DDAH1: variants seen among roughly 807,000 people sequenced by gnomAD.
DDAH1 encodes the protein dimethylarginine dimethylaminohydrolase 1.
A neutral mutation model predicts 28.8 loss-of-function variants in DDAH1; 19 were observed. That is an observed-to-expected ratio of 0.66 (90% confidence interval 0.46 to 0.97). The LOEUF (loss-of-function observed/expected upper bound fraction) is 0.97, where lower values mean the gene tolerates loss of function less well. DDAH1 is among the 50% of genes least tolerant of loss of function. DDAH1 has a pLI of 0.00. For missense variants in DDAH1, 326 were observed against 375.9 expected (o/e 0.87, Z 1.10); for synonymous variants, 153 against 154.4 (o/e 0.99, Z 0.07).
Position 85,548,678 on chromosome 1 carries a change from T to C in DDAH1, c.-123+29306A>G, listed in dbSNP as rs1248369874. 2.0e-5 allele frequency among the ~76,000 whole-genome samples: 3 copies of C among 152,204 alleles called. No individual in the cohort carries two copies. In the East Asian group the frequency reaches 5.8e-4, roughly 29 times the overall value. Reference sequence around the variant, plus strand: ...AGGAATAGCTCCAAGCCAGAAATTCTATCATTCTATAATTTAGATTTGCAT... The same window carrying C: ...AGGAATAGCTCCAAGCCAGAAATTCCATCATTCTATAATTTAGATTTGCAT... On this transcript the variant is annotated intron_variant, in intron 1 of 6. Transcript: ENST00000426972.
At chr1:85,508,104 C>A (rs1156764926) in intron 1 of DDAH1, among the ~76,000 whole-genome samples, 1 of 152,160 alleles carries the variant, frequency 6.6e-6, no homozygotes, top group Non-Finnish European at 1.5e-5. Flanking sequence ...GCCAGATCTT[C>A]TCCTTTGTAC....
intron 1 of DDAH1, among the ~76,000 whole-genome samples, chr1:85,369,012 G>A (rs1346850851): frequency 1.3e-5 from 2 of 151,318 alleles, no homozygotes; most frequent in Non-Finnish European, 2.9e-5. Context: ...TCCTGGCTGG[G>A]TCAGAGATTC....
chr1:85,530,116 C>T (rs1307090731), intron 1 of DDAH1, among the ~76,000 whole-genome samples: 1 of 152,172 alleles, frequency 6.6e-6, no homozygotes, highest in Non-Finnish European at 1.5e-5. Context: ...TATCTTCCTC[C>T]AAACCTTTTG....
intron 2 of DDAH1, among the ~76,000 whole-genome samples, chr1:85,470,493 C>G (rs917745060): frequency 2.6e-5 from 4 of 152,148 alleles, no homozygotes; most frequent in Admixed American, 2.0e-4. Context: ...GGGGACAGAA[C>G]CAAACCATAT....
At chr1:85,477,645 T>A (rs965722285) in intron 2 of DDAH1, among the ~76,000 whole-genome samples, 1 of 151,906 alleles carries the variant, frequency 6.6e-6, no homozygotes. Context: ...AGATAGTATA[T>A]GTATATGCAT....
chr1:85,377,104 A>T (rs965569255), intron 1 of DDAH1, among the ~76,000 whole-genome samples: 1 of 152,128 alleles, frequency 6.6e-6, no homozygotes, highest in Non-Finnish European at 1.5e-5. Context: ...CACAAGAGAC[A>T]TTTGTGGTCA....
intron 1 of DDAH1, among the ~76,000 whole-genome samples, chr1:85,416,733 T>A (rs1652904574): frequency 6.6e-6 from 1 of 152,100 alleles, no homozygotes; most frequent in South Asian, 2.1e-4. Context: ...AGCTGCATGA[T>A]CATGGCTCAC....
intron 2 of DDAH1, among the ~76,000 whole-genome samples, chr1:85,476,822 C>T (rs1655820527): frequency 6.6e-6 from 1 of 152,094 alleles, no homozygotes; most frequent in African/African-American, 2.4e-5. Flanking sequence ...ATAATATTTT[C>T]AGAAAAATTT....
chr1:85,536,974 TATATATATATAC>T (rs56959327), intron 1 of DDAH1, among the ~76,000 whole-genome samples: 10,808 of 83,386 alleles, frequency 0.13, 650 homozygotes, highest in African/African-American at 0.23. Context: ...TATATATATA[TATATATATATAC>T]GTATATACAT....
intron 1 of DDAH1, among the ~76,000 whole-genome samples, chr1:85,378,663 C>T (rs903394847): frequency 6.6e-6 from 1 of 152,214 alleles, no homozygotes; most frequent in Non-Finnish European, 1.5e-5. Context: ...TCCACCTCGG[C>T]CTCCCAATGT....
At position 85,439,486 on chromosome 1, in the gene DDAH1, C is replaced by T. The variant is rs557891478; in HGVS notation, c.303+25257G>A. On this transcript the variant is annotated intron_variant, in intron 1 of 5. Coordinates refer to ENST00000284031, the MANE Select transcript of DDAH1 (RefSeq NM_012137.4). ...AAAAAGGCTTCCATTACATCCCTGG[C>T]TGCTACAGAGATTCCTGCACATTAT... Among the ~76,000 whole-genome samples the T allele has an allele frequency of 5.9e-5, 9 of 152,354 alleles. No homozygotes were observed. In the East Asian group the frequency reaches 1.7e-3, roughly 29 times the overall value.
chr1:85,499,429 C>T (rs1174615782), intron 1 of DDAH1, among the ~76,000 whole-genome samples: 1 of 152,152 alleles, frequency 6.6e-6, no homozygotes, highest in African/African-American at 2.4e-5. Context: ...AATCCCAGCA[C>T]TTTGGGAGGC....
At chr1:85,443,221 A>G (rs895034495) in intron 1 of DDAH1, among the ~76,000 whole-genome samples, 1 of 152,156 alleles carries the variant, frequency 6.6e-6, no homozygotes, top group African/African-American at 2.4e-5. Flanking sequence ...TAAGGAAGGG[A>G]TCCAGTTTCA....
At chr1:85,532,768 C>T (rs1658134690) in intron 1 of DDAH1, among the ~76,000 whole-genome samples, 2 of 152,154 alleles carry the variant, frequency 1.3e-5, no homozygotes, top group Non-Finnish European at 2.9e-5. Flanking sequence ...AATGAGCCCC[C>T]AGGTTTTAAC....
chr1:85,535,319 T>G (rs1427986665), intron 1 of DDAH1, among the ~76,000 whole-genome samples: 1 of 146,084 alleles, frequency 6.8e-6, no homozygotes. Context: ...AGTTGCACAA[T>G]GCTTCTTAGG....
chr1:85,533,699 C>A (rs1658171411), intron 1 of DDAH1, among the ~76,000 whole-genome samples: 1 of 152,164 alleles, frequency 6.6e-6, no homozygotes, highest in Admixed American at 6.6e-5. Flanking sequence ...AGCATGGGCT[C>A]ACTAATTAGA....
At position 85,321,129 on chromosome 1, in the gene DDAH1, T is replaced by C. The variant is rs529956005; in HGVS notation, c.*323A>G. Reference sequence around the variant, plus strand: ...CAAGAAGACATTCTTCAGAATATACTGGCAACTAAATAATTTTCACACCAA... The same window carrying C: ...CAAGAAGACATTCTTCAGAATATACCGGCAACTAAATAATTTTCACACCAA... On this transcript the variant is annotated 3_prime_UTR_variant, in exon 6 of 6. Transcript: ENST00000284031. The C allele has an allele frequency of 5.1e-6, 1 of 195,568 alleles. No individual in the cohort carries two copies. Among genetic ancestry groups the C allele is most frequent in the East Asian group, 1.2e-4 (1 of 8,492 alleles). The allele number at this position is 195,568 out of a possible 1,614,324, so 12.1% of individuals were successfully genotyped here.
At chr1:85,443,842 T>A (rs977763020) in intron 1 of DDAH1, among the ~76,000 whole-genome samples, 13 of 152,198 alleles carry the variant, frequency 8.5e-5, no homozygotes, top group Non-Finnish European at 1.6e-4. Flanking sequence ...TAAGAATGCT[T>A]GTGATTTTTG....
At chr1:85,567,286 C>A (rs1659331903) in intron 1 of DDAH1, among the ~76,000 whole-genome samples, 1 of 152,158 alleles carries the variant, frequency 6.6e-6, no homozygotes, top group Non-Finnish European at 1.5e-5. Context: ...GTGTCCCCAC[C>A]CAAATCTCAT....
Sources: allele counts gnomAD v4.1 joint callset (sites outside exome capture counted in the v4.1 genomes callset), GRCh38; gene constraint gnomAD v4.1.1; transcripts MANE v1.5; gene names NCBI Gene and HGNC (gene_info 2026-07-23, HGNC 2026-07-21).